Variants in KANK1 observed in about 807,000 individuals in gnomAD.
KANK1 encodes KN motif and ankyrin repeat domain-containing protein 1.
In KANK1, 109 loss-of-function variants were observed where a neutral mutation model predicts 106.2. The ratio of observed to expected loss-of-function variants is 1.03; its 90% CI spans 0.88 to 1.20. The LOEUF (loss-of-function observed/expected upper bound fraction) is 1.20, where lower values mean the gene tolerates loss of function less well. Ranked by LOEUF, KANK1 falls within the 50% of genes most tolerant of loss-of-function variation. KANK1 has a pLI of 0.00. For missense variants in KANK1, 2,399 were observed against 1,710.7 expected, an observed-to-expected ratio of 1.40 and a Z score of -7.10; for synonymous variants, 873 against 652.2, an observed-to-expected ratio of 1.34 and a Z score of -5.16.
rs946741051 is a variant in KANK1 at position 624,238 on chromosome 9, G to A, written c.-83-52652G>A. 6.6e-5 allele frequency among the ~76,000 whole-genome samples: 10 copies of A among 152,232 alleles called. 1 individual carries two copies. Among genetic ancestry groups the A allele is most frequent in the South Asian group, 4.2e-4 (2 of 4,818 alleles). ...TCAGGGTCTGGGGCATGGGAGAAAC[G>A]GTGAGATGCTGGTCAAAGGGTACAA... is the stretch of plus-strand genomic sequence containing the variant. On this transcript the variant is annotated intron_variant, in intron 1 of 11. Transcript: ENST00000382297.
At chr9:589,644 G>A (rs984497216) in intron 1 of KANK1, among the ~76,000 whole-genome samples, 3 of 152,036 alleles carry the variant, frequency 2.0e-5, no homozygotes, top group Admixed American at 2.0e-4. Context: ...CGTCCCCTGA[G>A]CCAGGAAGGA....
chr9:526,629 G>T (rs1162328017), intron 1 of KANK1, among the ~76,000 whole-genome samples: 1 of 151,856 alleles, frequency 6.6e-6, no homozygotes, highest in East Asian at 1.9e-4. Context: ...ACTTCAAAAA[G>T]TCAAGTTGTT....
intron 1 of KANK1, among the ~76,000 whole-genome samples, chr9:654,321 A>G (rs1455986809): frequency 1.3e-5 from 2 of 152,154 alleles, no homozygotes; most frequent in South Asian, 2.1e-4. Flanking sequence ...GTGTTTTCCA[A>G]ATTTTGCTGA....
chr9:670,196 C>G (rs1353153458), intron 1 of KANK1, among the ~76,000 whole-genome samples: 1 of 152,122 alleles, frequency 6.6e-6, no homozygotes, highest in Non-Finnish European at 1.5e-5. Context: ...TCAGAGAGCT[C>G]ATGAATCACC....
intron 3 of KANK1, among the ~76,000 whole-genome samples, chr9:715,436 G>A (rs1248469919): frequency 6.6e-6 from 1 of 152,098 alleles, no homozygotes; most frequent in Admixed American, 6.5e-5. Flanking sequence ...TCCCCAAACT[G>A]GGGTTTCTAT....
At chr9:722,412 G>T (rs1829587091) in intron 3 of KANK1, among the ~76,000 whole-genome samples, 1 of 151,900 alleles carries the variant, frequency 6.6e-6, no homozygotes. Context: ...ATTTTTTAAA[G>T]TCTCACCCTC....
intron 3 of KANK1, among the ~76,000 whole-genome samples, chr9:728,738 T>G (rs1831415627): frequency 6.6e-6 from 1 of 152,198 alleles, no homozygotes; most frequent in South Asian, 2.1e-4. Context: ...AATAAGAACC[T>G]TGGTCTTCAC....
At chr9:514,829 G>A (rs2059207360) in intron 1 of KANK1, among the ~76,000 whole-genome samples, 1 of 151,706 alleles carries the variant, frequency 6.6e-6, no homozygotes, top group Admixed American at 6.5e-5. Context: ...TTTGGGCCAT[G>A]CAGTTCAACT....
intron 2 of KANK1, chr9:707,371 G>C (rs748693006): frequency 1.1e-4 from 44 of 397,916 alleles, no homozygotes; most frequent in Non-Finnish European, 1.4e-4. Context: ...AGGCCTACGG[G>C]AGTCCAGCTT....
intron 2 of KANK1, among the ~76,000 whole-genome samples, chr9:693,080 C>G (rs991730749): frequency 7.3e-5 from 11 of 151,498 alleles, no homozygotes; most frequent in African/African-American, 2.4e-4. Flanking sequence ...CTTTTTGAAA[C>G]AAAAACAAAG....
At position 713,087 on chromosome 9, in the gene KANK1, T is replaced by C. The variant is rs774100075; in HGVS notation, c.2321T>C (p.Leu774Pro). The change falls in exon 3 of 12, where the codon CTC becomes CCC. Residue 774 changes from leucine (L) to proline (P), a missense_variant. Physicochemically the swap from Leu to Pro is moderately conservative, Grantham distance 98 (BLOSUM62 -3). Coordinates refer to ENST00000382297, the MANE Select transcript of KANK1 (RefSeq NM_015158.5). ...ATTAACGACAACTATCTGGTTGGTC[T>C]CAAAATGAGGACTATAGCTTGTGGG... ...ININDNYLVG[L>P]KMRTIACGPP... 6.2e-7 allele frequency: 1 copy of C among 1,613,416 alleles called. No homozygotes were observed. The highest frequency in any genetic ancestry group is 8.5e-7 in the Non-Finnish European group (1 of 1,179,474).
intron 1 of KANK1, among the ~76,000 whole-genome samples, chr9:668,714 A>T (rs1214925433): frequency 6.6e-6 from 1 of 152,134 alleles, no homozygotes; most frequent in Non-Finnish European, 1.5e-5. Context: ...TAAAGAGATG[A>T]CAGCTTATCT....
chr9:690,133 CAAAAAAAAAA>C (rs57837964), intron 2 of KANK1, among the ~76,000 whole-genome samples: 10 of 61,650 alleles, frequency 1.6e-4, no homozygotes, highest in African/African-American at 4.5e-4. Context: ...TCTAAAAATA[CAAAAAAAAAA>C]AAAAAAAAAA....
chr9:727,976 C>T lies in KANK1; in HGVS notation c.2699-2075C>T, dbSNP rs558980859. On this transcript the variant is annotated intron_variant, in intron 3 of 11. Transcript: ENST00000382297. ...GATGGGAAGGAAGTGTCAAACATGC[C>T]TCATTATACCCTCCTCCCTTTGGAA... is the stretch of plus-strand genomic sequence containing the variant. 5.9e-5 allele frequency among the ~76,000 whole-genome samples: 9 copies of T among 152,094 alleles called. No homozygotes were observed. In the South Asian group the frequency reaches 1.2e-3, roughly 21 times the overall value.
At chr9:684,998 C>T (rs140240687) in intron 2 of KANK1, among the ~76,000 whole-genome samples, 2 of 152,200 alleles carry the variant, frequency 1.3e-5, no homozygotes, top group African/African-American at 2.4e-5. Flanking sequence ...TTCATTCAAA[C>T]AGTTGTAGAA....
Position 713,472 on chromosome 9 carries a change from G to C in KANK1, c.2698+8G>C. Reference sequence around the variant, plus strand: ...GTCTGGGTAAAATCACAGGTAGGTGGTACCCTGAGGACCTGGGAATGAGGA... The same window carrying C: ...GTCTGGGTAAAATCACAGGTAGGTGCTACCCTGAGGACCTGGGAATGAGGA... On this transcript the variant is annotated splice_region_variant and intron_variant, in intron 3 of 11. Coordinates refer to ENST00000382297, the MANE Select transcript of KANK1 (RefSeq NM_015158.5). 2.6e-6 allele frequency: 4 copies of C among 1,553,832 alleles called. No individual in the cohort carries two copies. Among genetic ancestry groups the C allele is most frequent in the Non-Finnish European group, 3.5e-6 (4 of 1,152,880 alleles).
chr9:540,820 G>A (rs1216669584), intron 1 of KANK1, among the ~76,000 whole-genome samples: 2 of 152,122 alleles, frequency 1.3e-5, no homozygotes, highest in African/African-American at 4.8e-5. Flanking sequence ...TTTGTCTATA[G>A]TAGTATCTTA....
intron 1 of KANK1, among the ~76,000 whole-genome samples, chr9:547,789 A>G (rs907373851): frequency 7.9e-5 from 12 of 152,214 alleles, no homozygotes; most frequent in African/African-American, 2.7e-4. Flanking sequence ...ATAGTAAAAC[A>G]CATTTCTGCA....
intron 3 of KANK1, among the ~76,000 whole-genome samples, chr9:724,225 C>T (rs943612440): frequency 1.6e-4 from 24 of 152,030 alleles, no homozygotes; most frequent in Admixed American, 8.5e-4. Context: ...CTTTTAGGGA[C>T]ATATACTGAA....
Sources: allele counts gnomAD v4.1 joint callset (sites outside exome capture counted in the v4.1 genomes callset), GRCh38; gene constraint gnomAD v4.1.1; transcripts MANE v1.5; gene names NCBI Gene and HGNC (gene_info 2026-07-23, HGNC 2026-07-21).